SAMMSON: variants seen among roughly 807,000 people sequenced by gnomAD.
The protein encoded by SAMMSON is survival associated mitochondrial melanoma specific oncogenic non-coding RNA, also known as long intergenic non-protein coding RNA 1212.
At chr3:70,308,919 T>C (rs1317016955) in intron 7 of SAMMSON, among the ~76,000 whole-genome samples, 3 of 152,158 alleles carry the variant, frequency 2.0e-5, no homozygotes, top group African/African-American at 7.2e-5. Flanking sequence ...AATAAGGCAT[T>C]GCTGTGATTA....
In SAMMSON at chr3:70,360,208, G is replaced by A. The variant is rs566418552; in HGVS notation, n.913+1884G>A. ...AAAGGAGAAGAGCAAAAGATCTCCC[G>A]CCACCATTTTGTTTCATTCTTATGC... is the stretch of plus-strand genomic sequence containing the variant. On this transcript the variant is annotated intron_variant and non_coding_transcript_variant, in intron 9 of 9. Transcript: ENST00000642114. 7.9e-5 allele frequency among the ~76,000 whole-genome samples: 12 copies of A among 152,116 alleles called. No homozygotes were observed. The South Asian group carries it at 2.5e-3, about 32-fold the overall frequency.
At chr3:70,198,550 C>T (rs1467080509) in intron 4 of SAMMSON, among the ~76,000 whole-genome samples, 1 of 152,142 alleles carries the variant, frequency 6.6e-6, no homozygotes, top group Non-Finnish European at 1.5e-5. Context: ...TAAGGTGAGT[C>T]CTGAATATAA....
intron 4 of SAMMSON, among the ~76,000 whole-genome samples, chr3:70,102,432 T>C (rs935684167): frequency 6.6e-6 from 1 of 152,148 alleles, no homozygotes; most frequent in South Asian, 2.1e-4. Flanking sequence ...TTGAAGACCA[T>C]CTGTAGTAAT....
chr3:70,188,527 A>C (rs931490419), intron 4 of SAMMSON, among the ~76,000 whole-genome samples: 1 of 152,248 alleles, frequency 6.6e-6, no homozygotes, highest in Non-Finnish European at 1.5e-5. Context: ...AGGAGTGAAC[A>C]GGAATAATGA....
intron 3 of SAMMSON, among the ~76,000 whole-genome samples, chr3:70,033,150 G>A (rs755486589): frequency 3.3e-5 from 5 of 152,148 alleles, no homozygotes; most frequent in East Asian, 1.9e-4. Flanking sequence ...AAAATTCTCC[G>A]TGGTTTTCAA....
intron 3 of SAMMSON, among the ~76,000 whole-genome samples, chr3:70,040,796 G>A (rs962294101): frequency 3.3e-5 from 5 of 152,118 alleles, no homozygotes; most frequent in African/African-American, 4.8e-5. Context: ...AGGGGAAAAT[G>A]AGACTTCTCA....
chr3:70,011,087 T>C (rs2066953412), intron 1 of SAMMSON, among the ~76,000 whole-genome samples: 1 of 152,122 alleles, frequency 6.6e-6, no homozygotes, highest in South Asian at 2.1e-4. Flanking sequence ...CTTTGGGGTA[T>C]TACTCAAGGG....
In SAMMSON at chr3:70,106,631, C is replaced by T. The variant is rs373840135; in HGVS notation, n.507+35066C>T. On this transcript the variant is annotated intron_variant and non_coding_transcript_variant, in intron 4 of 9. Coordinates refer to ENST00000642114, the Ensembl canonical transcript of SAMMSON. ...TTGGAATTACAAGTGTGGGCCACAG[C>T]GCCTAGCCAGATTTTGCATTTGTAA... Among the ~76,000 whole-genome samples, 6 of 152,054 alleles carry T rather than the reference C, an allele frequency of 3.9e-5. No individual in the cohort carries two copies. The East Asian group carries it at 9.7e-4, about 25-fold the overall frequency.
intron 2 of SAMMSON, among the ~76,000 whole-genome samples, chr3:70,407,738 A>G (rs943221714): frequency 6.6e-6 from 1 of 152,146 alleles, no homozygotes; most frequent in African/African-American, 2.4e-5. Flanking sequence ...GAATGGTGCA[A>G]GCTGTAGGTG....
intron 7 of SAMMSON, among the ~76,000 whole-genome samples, chr3:70,308,221 T>C (rs1702421100): frequency 6.8e-6 from 1 of 147,316 alleles, no homozygotes; most frequent in East Asian, 2.1e-4. Flanking sequence ...CAGCTAATTT[T>C]ATTTTTTTGT....
intron 8 of SAMMSON, among the ~76,000 whole-genome samples, chr3:70,355,646 A>G (rs1702824133): frequency 6.6e-6 from 1 of 152,170 alleles, no homozygotes; most frequent in Non-Finnish European, 1.5e-5. Context: ...AGCTAAAAGT[A>G]TCTTTAAAAA....
intron 9 of SAMMSON, among the ~76,000 whole-genome samples, chr3:70,375,641 G>A (rs1229418099): frequency 6.6e-6 from 1 of 152,072 alleles, no homozygotes. Context: ...CATATCAACA[G>A]GATTATTTGC....
intron 4 of SAMMSON, among the ~76,000 whole-genome samples, chr3:70,130,297 G>A (rs772149948): frequency 1.1e-4 from 17 of 152,174 alleles, no homozygotes; most frequent in African/African-American, 9.7e-5. Context: ...TGATTGTGGC[G>A]ACAAGATCAT....
intron 2 of SAMMSON, among the ~76,000 whole-genome samples, chr3:70,013,007 T>C (rs1203768326): frequency 6.6e-6 from 1 of 152,188 alleles, no homozygotes; most frequent in East Asian, 1.9e-4. Flanking sequence ...AGGAAGATCA[T>C]CTAGTTTTGA....
intron 2 of SAMMSON, among the ~76,000 whole-genome samples, chr3:70,407,441 G>C (rs1385189237): frequency 6.6e-6 from 1 of 152,160 alleles, no homozygotes; most frequent in Non-Finnish European, 1.5e-5. Flanking sequence ...AGATACAATG[G>C]GGATACAGGT....
At chr3:70,044,177 A>G (rs1347662027) in intron 3 of SAMMSON, among the ~76,000 whole-genome samples, 1 of 152,014 alleles carries the variant, frequency 6.6e-6, no homozygotes, top group Non-Finnish European at 1.5e-5. Context: ...TCCTTAGCCC[A>G]CTAATTAATG....
At chr3:70,040,302 G>T (rs1056272829) in intron 3 of SAMMSON, among the ~76,000 whole-genome samples, 4 of 152,102 alleles carry the variant, frequency 2.6e-5, no homozygotes, top group African/African-American at 9.7e-5. Flanking sequence ...AATCATATGA[G>T]GCTAAATTCC....
chr3:70,358,680 T>C (rs1415541966), intron 9 of SAMMSON, among the ~76,000 whole-genome samples: 1 of 145,470 alleles, frequency 6.9e-6, no homozygotes, highest in East Asian at 1.9e-4. Context: ...TATCTTCTGT[T>C]TTTTTTTCTT....
intron 4 of SAMMSON, among the ~76,000 whole-genome samples, chr3:70,156,002 A>C (rs2067590589): frequency 2.0e-5 from 3 of 152,028 alleles, no homozygotes. Context: ...AGATGAGGAC[A>C]CTGACTGCAG....
Sources: allele counts gnomAD v4.1 joint callset (sites outside exome capture counted in the v4.1 genomes callset), GRCh38; gene constraint gnomAD v4.1.1; transcripts MANE v1.5; gene names NCBI Gene and HGNC (gene_info 2026-07-23, HGNC 2026-07-21).